Variants in ACACB observed in about 807,000 individuals in gnomAD.
ACACB encodes acetyl-CoA carboxylase 2.
In ACACB, 209 loss-of-function variants were observed where a neutral mutation model predicts 278.8. The observed-to-expected ratio is 0.75, with a 90% CI of 0.67 to 0.84. The LOEUF is 0.84. ACACB is among the 40% of genes least tolerant of loss of function. The pLI, the probability that ACACB is intolerant of heterozygous loss-of-function variation, is 0.00. For missense variants in ACACB, 2,850 were observed against 3,269.0 expected (o/e 0.87, Z 3.13); for synonymous variants, 1,174 against 1,285.6 (o/e 0.91, Z 1.86).
At chr12:109,258,542 G>A (rs1432167647) in intron 46 of ACACB, among the ~76,000 whole-genome samples, 178 bp downstream of exon 46, 1 of 152,184 alleles carries the variant, frequency 6.6e-6, no homozygotes, top group Non-Finnish European at 1.5e-5. Flanking sequence ...TCTATGGGTT[G>A]CATAAATGGC....
chr12:109,145,729 G>A (rs555286686), intron 2 of ACACB, among the ~76,000 whole-genome samples: 4 of 152,084 alleles, frequency 2.6e-5, no homozygotes, highest in East Asian at 1.9e-4. Flanking sequence ...GGCCAGGCAC[G>A]GCAGGTCATG....
rs889793590 is a variant in ACACB at position 109,168,824 on chromosome 12, A to C, written c.925+790A>C. On this transcript the variant is annotated intron_variant, in intron 4 of 52. Transcript: ENST00000338432. ...GAAACAGACTGAGACTCTGTCTCAA[A>C]TAAAACAACATAAACCTAAAAGCAT... Among the ~76,000 whole-genome samples, 15 of 151,756 alleles carry C rather than the reference A, an allele frequency of 9.9e-5. 1 individual carries two copies. The highest frequency in any genetic ancestry group is 9.2e-4 in the Admixed American group (14 of 15,234).
At chr12:109,171,453 G>A (rs1013527168) in intron 4 of ACACB, among the ~76,000 whole-genome samples, 1 of 151,852 alleles carries the variant, frequency 6.6e-6, no homozygotes, top group East Asian at 1.9e-4. Context: ...GGGTTCAAGC[G>A]ATTCTCCTAC....
chr12:109,137,899 C>CTTTT (rs199706198), intron 1 of ACACB, among the ~76,000 whole-genome samples: 2 of 145,278 alleles, frequency 1.4e-5, no homozygotes, highest in African/African-American at 2.5e-5. Flanking sequence ...TTTTCTTTTT[C>CTTTT]TTTTTTTTTT....
At chr12:109,130,538 A>G (rs1360733304) in intron 1 of ACACB, among the ~76,000 whole-genome samples, 1 of 152,042 alleles carries the variant, frequency 6.6e-6, no homozygotes, top group East Asian at 1.9e-4. Context: ...CCTCCTGGCC[A>G]CCATTTGCTC....
Position 109,216,781 on chromosome 12 carries a change from T to G in ACACB, c.3440-15T>G, listed in dbSNP as rs755039869. On this transcript the variant is annotated splice_polypyrimidine_tract_variant and intron_variant, in intron 23 of 52. Coordinates refer to ENST00000338432, the MANE Select transcript of ACACB (RefSeq NM_001093.4). ...GCCTGAGCTTTACCTCTGTGTGGTG[T>G]TTTGTCTCCCCCAGCCCACTACGAC... 25 of 1,614,004 alleles carry G rather than the reference T, an allele frequency of 1.5e-5. No homozygotes were observed. The South Asian group carries it at 2.6e-4, about 17-fold the overall frequency.
In ACACB at chr12:109,246,322, G is replaced by A. The variant is rs746593610; in HGVS notation, c.5445G>A (p.Glu1815=). 6.2e-7 allele frequency: 1 copy of A among 1,612,910 alleles called. No individual in the cohort carries two copies. Among genetic ancestry groups the A allele is most frequent in the South Asian group, 1.1e-5 (1 of 90,954 alleles). The part of the protein sequence containing the change: ...GEDLLYLRAS[E]MARAEGIPKI... The stretch of plus-strand genomic sequence containing the variant: ...ACCTTCTGTACCTGCGGGCATCCGA[G>A]ATGGCCCGGGCAGAGGGCATTCCCA... The change falls in exon 39 of 53, where the codon GAG becomes GAA. Residue 1815 remains glutamate, a synonymous_variant. Transcript: ENST00000338432.
intron 37 of ACACB, among the ~76,000 whole-genome samples, chr12:109,244,566 C>CT (rs938518065): frequency 6.6e-6 from 1 of 152,140 alleles, no homozygotes; most frequent in African/African-American, 2.4e-5. Flanking sequence ...TCCATCGTCT[C>CT]TTTTTTAGAT....
intron 20 of ACACB, among the ~76,000 whole-genome samples, chr12:109,208,516 A>T (rs1172502482): frequency 6.6e-6 from 1 of 152,108 alleles, no homozygotes; most frequent in East Asian, 1.9e-4. Context: ...CAATAATTGC[A>T]ACTTTTATTA....
intron 2 of ACACB, among the ~76,000 whole-genome samples, chr12:109,162,332 A>G (rs2043755050): frequency 6.6e-6 from 1 of 152,108 alleles, no homozygotes; most frequent in Admixed American, 6.6e-5. Context: ...TCACTGGCTT[A>G]AGGCTGAGTC....
rs1756774678 is a variant in ACACB, at chr12:109,234,012, G to A, written c.4314G>A (p.Leu1438=). 6.2e-7 allele frequency: 1 copy of A among 1,613,800 alleles called. No individual in the cohort carries two copies. The highest frequency in any genetic ancestry group is 8.5e-7 in the Non-Finnish European group (1 of 1,179,924). ...CAGACCACCTGGAGGATGAGGCACT[G>A]GTGCCGATTTTACGGACATTCGTAC... ...QCADHLEDEA[L]VPILRTFVQS... Residue 1438 remains leucine (L), a synonymous_variant, in exon 31 of 53, where the codon CTG becomes CTA. Coordinates refer to ENST00000338432, the MANE Select transcript of ACACB (RefSeq NM_001093.4).
At chr12:109,216,949 C>T in intron 24 of ACACB, 29 bp downstream of exon 24, 1 of 1,609,272 alleles carries the variant, frequency 6.2e-7, no homozygotes, top group Non-Finnish European at 8.5e-7. Context: ...TGTTACTAGA[C>T]TGGGGGTGGG....
chr12:109,233,738 G>C lies in ACACB; in HGVS notation c.4140-10G>C, dbSNP rs200332016. 2 of 1,612,390 alleles carry C rather than the reference G, an allele frequency of 1.2e-6. No individual in the cohort carries two copies. The highest frequency in any genetic ancestry group is 1.7e-6 in the Non-Finnish European group (2 of 1,179,028). ...GCCCCTCAGCCCTCCCTCTCTACCC[G>C]CACCCCCAGAAATTTTGATGAAGTC... On this transcript the variant is annotated splice_polypyrimidine_tract_variant and intron_variant, in intron 29 of 52. Coordinates refer to ENST00000338432, the MANE Select transcript of ACACB (RefSeq NM_001093.4).
intron 4 of ACACB, among the ~76,000 whole-genome samples, chr12:109,170,925 C>T (rs2044091992): frequency 6.6e-6 from 1 of 151,876 alleles, no homozygotes. Flanking sequence ...TAGCCTCGAC[C>T]TTCTAGGCTC....
Position 109,179,141 on chromosome 12 carries a change from C to T in ACACB, c.1491C>T (p.His497=), listed in dbSNP as rs149869894. 83 of 1,613,844 alleles carry T rather than the reference C, an allele frequency of 5.1e-5. No homozygotes were observed. The highest frequency in any genetic ancestry group is 1.6e-4 in the Middle Eastern group (1 of 6,084). ...SPIFLMKLAQ[H]ARHLEVQILA... The stretch of plus-strand genomic sequence containing the variant: ...TCTTTCTCATGAAGCTGGCCCAGCA[C>T]GCCCGTCACCTGGAAGTTCAGATCC... Residue 497 remains histidine (H), a synonymous_variant, in exon 10 of 53, where the codon CAC becomes CAT. Transcript: ENST00000338432.
rs143135974 is a variant in ACACB at position 109,139,618 on chromosome 12, C to T, written c.213C>T (p.Pro71=). 12 of 1,614,008 alleles carry T rather than the reference C, an allele frequency of 7.4e-6. No homozygotes were observed. In the African/African-American group the frequency reaches 8.0e-5, roughly 11 times the overall value. Residue 71 remains proline, a synonymous_variant, in exon 2 of 53, where the codon CCC becomes CCT. Coordinates refer to ENST00000338432, the MANE Select transcript of ACACB (RefSeq NM_001093.4). ...AGGGCCACACTCTGCCCAAGACACC[C>T]AGCCAGGCCGAGCCAGCCTCCCACA... ...NGEGHTLPKT[P]SQAEPASHKG... is the part of the protein sequence containing the mutation.
intron 47 of ACACB, 103 bp downstream of exon 47, chr12:109,259,211 A>G (rs2047314302): frequency 2.2e-6 from 3 of 1,388,470 alleles, no homozygotes; most frequent in Non-Finnish European, 3.0e-6. Flanking sequence ...GCCCATCATC[A>G]TCTTAGCTGT....
At chr12:109,152,402 G>A (rs2043397709) in intron 2 of ACACB, among the ~76,000 whole-genome samples, 1 of 152,140 alleles carries the variant, frequency 6.6e-6, no homozygotes, top group African/African-American at 2.4e-5. Context: ...TTTTTTGGAG[G>A]AGGTGAAGAC....
At position 109,253,659 on chromosome 12, in the gene ACACB, A is replaced by T. The variant is rs142066009; in HGVS notation, c.6045+501A>T. On this transcript the variant is annotated intron_variant, in intron 43 of 52. Coordinates refer to ENST00000338432, the MANE Select transcript of ACACB (RefSeq NM_001093.4). ...TTTGGTAGGTCCTCACCAAAGTAAG[A>T]AGGGGACAATCGTGGGCACAGTTCT... Among the ~76,000 whole-genome samples, 203 of 152,324 alleles carry T rather than the reference A, an allele frequency of 1.3e-3. 3 individuals are homozygous for T. Among genetic ancestry groups the T allele is most frequent in the African/African-American group, 4.4e-3 (184 of 41,574 alleles).
Sources: gnomAD v4.1 joint callset for allele counts (sites outside exome capture counted in the v4.1 genomes callset) on GRCh38, gnomAD v4.1.1 for gene constraint, MANE v1.5 for transcripts, NCBI Gene and HGNC (gene_info 2026-07-23, HGNC 2026-07-21) for gene names.